Variants in IQANK1 observed in about 807,000 individuals in gnomAD.
IQANK1 encodes IQ motif and ankyrin repeat domain-containing protein 1.
Under a neutral mutation model 22.6 loss-of-function variants are expected in IQANK1, and 30 were observed. The ratio of observed to expected loss-of-function variants is 1.33; its 90% CI spans 0.99 to 1.80. The LOEUF (loss-of-function observed/expected upper bound fraction) is 1.80. Ranked by LOEUF, IQANK1 falls within the 40% of genes most tolerant of loss-of-function variation. The pLI is 0.00. For synonymous variants in IQANK1, 122 were observed against 99.6 expected (o/e 1.23, Z -1.34); for missense variants, 275 against 235.2 (o/e 1.17, Z -1.11).
Position 143,777,965 on chromosome 8 carries a change from C to T in IQANK1, c.789+5483C>T, listed in dbSNP as rs555155628. Among the ~76,000 whole-genome samples the T allele has an allele frequency of 3.9e-5, 6 of 152,088 alleles. No homozygotes were observed. The East Asian group carries it at 7.7e-4, about 20-fold the overall frequency. ...ATCCCAGCACTTTGGAAGGCCGAGG[C>T]GGGCGGATCACGAGGTCAGAAGATC... On this transcript the variant is annotated intron_variant, in intron 7 of 13. Transcript: ENST00000527139.
intron 11 of IQANK1, 47 bp downstream of exon 11, chr8:143,789,916 A>G: frequency 8.1e-7 from 1 of 1,231,666 alleles, no homozygotes; most frequent in African/African-American, 1.5e-5. Flanking sequence ...CATACAGCCC[A>G]GGGCGGGGTC....
At chr8:143,769,977 C>G (rs1373928665) in intron 3 of IQANK1, among the ~76,000 whole-genome samples, 1 of 152,162 alleles carries the variant, frequency 6.6e-6, no homozygotes, top group African/African-American at 2.4e-5. Flanking sequence ...CAGGCGTGTG[C>G]CTGTGGTCCC....
chr8:143,740,816 G>A (rs1818889635), intron 3 of IQANK1, among the ~76,000 whole-genome samples: 1 of 152,270 alleles, frequency 6.6e-6, no homozygotes, highest in African/African-American at 2.4e-5. Context: ...TAAGGAGCCT[G>A]ACCCTGTCCT....
rs1819333247 is a variant in IQANK1, at chr8:143,758,490, C to T, written c.176-12998C>T. On this transcript the variant is annotated intron_variant, in intron 3 of 13. Transcript: ENST00000527139. This position sits in a 1 kb window ranked among gnomAD's most constrained non-coding sequence, Gnocchi z 4.2. ...AAAAGAAAAAAAAAAGAAGATGAAACATTTTATCTGGGTGAAGGGATGATT... is the reference window on the plus strand; with the variant it reads ...AAAAGAAAAAAAAAAGAAGATGAAATATTTTATCTGGGTGAAGGGATGATT... 1 of 152,070 alleles carries T rather than the reference C, an allele frequency of 6.6e-6. No individual in the cohort carries two copies. Among genetic ancestry groups the T allele is most frequent in the Admixed American group, 6.6e-5 (1 of 15,246 alleles). 9.4% of individuals were successfully genotyped at this position (152,070 alleles called of 1,614,324 possible).
chr8:143,748,376 T>C (rs1479716222), intron 3 of IQANK1, among the ~76,000 whole-genome samples: 1 of 149,868 alleles, frequency 6.7e-6, no homozygotes, highest in Non-Finnish European at 1.5e-5. Context: ...CTCCAACTAT[T>C]ATTGTAAAAC....
rs1563770356 is a variant in IQANK1 at position 143,748,723 on chromosome 8, AT to A, written c.175+8776del. Among the ~76,000 whole-genome samples the A allele has an allele frequency of 1.4e-3, 163 of 114,488 alleles. 2 individuals are homozygous for A. The highest frequency in any genetic ancestry group is 5.0e-3 in the African/African-American group (129 of 25,578). The allele number at this position is 114,488 out of a possible 152,430, so 75.1% of individuals were successfully genotyped here. The stretch of plus-strand genomic sequence containing the variant: ...ATAAATATATAAATATATATCATAT[AT>A]ATCATATATAAATATATAAATATAT... On this transcript the variant is annotated intron_variant, in intron 3 of 13. Transcript: ENST00000527139.
intron 3 of IQANK1, among the ~76,000 whole-genome samples, chr8:143,740,331 G>A (rs1422410614): frequency 6.6e-6 from 1 of 152,178 alleles, no homozygotes; most frequent in Non-Finnish European, 1.5e-5. Context: ...AGGAAACGGG[G>A]CCCTGCGCGT....
At position 143,772,376 on chromosome 8, in the gene IQANK1, C is replaced by T. The variant is rs1005795463; in HGVS notation, c.683C>T (p.Pro228Leu). 23 of 399,334 alleles carry T rather than the reference C, an allele frequency of 5.8e-5. No individual in the cohort carries two copies. The highest frequency in any genetic ancestry group is 9.3e-5 in the Non-Finnish European group (21 of 226,454). The allele number at this position is 399,334 out of a possible 1,614,324, so 24.7% of individuals were successfully genotyped here. A position where few individuals can be genotyped will look rare whatever the true frequency, so the allele number is the denominator to read the frequency against. Residue 228 changes from proline (P) to leucine (L), a missense_variant, in exon 7 of 14, where the codon CCG (proline) becomes CTG (leucine). Coordinates refer to ENST00000527139, the MANE Select transcript of IQANK1 (RefSeq NM_001381874.1). ...PNSKGAFGPT[P>L]LYRAAFGGHL... The stretch of plus-strand genomic sequence containing the variant: ...TTGCAGGGCGCTTTCGGTCCGACGC[C>T]GCTGTACCGTGCAGCCTTTGGGGGC...
chr8:143,762,042 G>A (rs947464422), intron 3 of IQANK1, among the ~76,000 whole-genome samples: 17 of 151,966 alleles, frequency 1.1e-4, no homozygotes, highest in Non-Finnish European at 7.4e-5. Context: ...AATCATTTAT[G>A]GTATTTGTAT....
At chr8:143,748,879 T>TC (rs1554627632) in intron 3 of IQANK1, among the ~76,000 whole-genome samples, 9 of 91,870 alleles carry the variant, frequency 9.8e-5, no homozygotes, top group African/African-American at 8.8e-4. Context: ...TATATAAATA[T>TC]ATATATCATA....
At chr8:143,738,595 A>T (rs1818807714) in intron 2 of IQANK1, among the ~76,000 whole-genome samples, 1 of 152,172 alleles carries the variant, frequency 6.6e-6, no homozygotes. Flanking sequence ...CGAGACTGGG[A>T]GGGAGGCTGA....
chr8:143,740,194 G>A (rs1302430818), intron 3 of IQANK1, among the ~76,000 whole-genome samples: 1 of 151,980 alleles, frequency 6.6e-6, no homozygotes, highest in Non-Finnish European at 1.5e-5. Flanking sequence ...CCACCTCCCC[G>A]CCGCCCGGGT....
chr8:143,772,181 G>T lies in IQANK1; in HGVS notation c.601G>T (p.Ala201Ser). The change falls in exon 6 of 14, where the codon GCA becomes TCA. Residue 201 changes from alanine to serine, a missense_variant. Ala to Ser is a moderately conservative substitution (Grantham distance 99). Coordinates refer to ENST00000527139, the MANE Select transcript of IQANK1 (RefSeq NM_001381874.1). ...GAACACGCCGCTGTCGGAGGCGGCC[G>T]CAGGCGGGCAGCCCCTGGCCATCCA... ...YGNTPLSEAA[A>S]GGQPLAIQLR... 1 of 393,792 alleles carries T rather than the reference G, an allele frequency of 2.5e-6. No homozygotes were observed. The highest frequency in any genetic ancestry group is 4.5e-6 in the Non-Finnish European group (1 of 222,918). The allele number at this position is 393,792 out of a possible 1,614,324, so 24.4% of individuals were successfully genotyped here.
intron 3 of IQANK1, among the ~76,000 whole-genome samples, chr8:143,761,489 G>A (rs2129875916): frequency 6.6e-6 from 1 of 152,318 alleles, no homozygotes; most frequent in Non-Finnish European, 1.5e-5. Flanking sequence ...TGATAACTCG[G>A]CCTGGCGGGG....
At position 143,735,780 on chromosome 8, in the gene IQANK1, C is replaced by T; in HGVS notation, c.-4-70C>T. The T allele has an allele frequency of 1.4e-6, 1 of 695,524 alleles. No homozygotes were observed. The highest frequency in any genetic ancestry group is 2.6e-6 in the Non-Finnish European group (1 of 380,842). The allele number at this position is 695,524 out of a possible 1,614,324, so 43.1% of individuals were successfully genotyped here. ...GGCGCCCATGGTGTGCCCTGTTCCC[C>T]ACTGCCACTGCCCCTGCCCTCTGCC... On this transcript the variant is annotated intron_variant, in intron 1 of 13. Coordinates refer to ENST00000527139, the MANE Select transcript of IQANK1 (RefSeq NM_001381874.1). This position sits in a 1 kb window ranked among gnomAD's most constrained non-coding sequence, Gnocchi z 5.2.
chr8:143,760,046 G>A (rs1819366916), intron 3 of IQANK1, among the ~76,000 whole-genome samples: 2 of 152,182 alleles, frequency 1.3e-5, no homozygotes, highest in African/African-American at 4.8e-5. Flanking sequence ...ACTTTGACTG[G>A]TGGACCACCA....
Position 143,749,546 on chromosome 8 carries a change from T to A in IQANK1, c.175+9598T>A, listed in dbSNP as rs1461004857. Among the ~76,000 whole-genome samples the A allele has an allele frequency of 1.4e-4, 20 of 138,940 alleles. No homozygotes were observed. The Admixed American group carries it at 1.5e-3, about 11-fold the overall frequency. The allele number at this position is 138,940 out of a possible 152,430, so 91.2% of individuals were successfully genotyped here. ...ATATCACATAAAAATATATGATATA[T>A]ATGATATATATCATATATATCAATC... On this transcript the variant is annotated intron_variant, in intron 3 of 13. Coordinates refer to ENST00000527139, the MANE Select transcript of IQANK1 (RefSeq NM_001381874.1).
At position 143,774,177 on chromosome 8, in the gene IQANK1, C is replaced by CAAAA. The variant is rs61709186; in HGVS notation, c.789+1707_789+1710dup. 1.5e-5 allele frequency among the ~76,000 whole-genome samples: 2 copies of CAAAA among 136,484 alleles called. No individual in the cohort carries two copies. Among genetic ancestry groups the CAAAA allele is most frequent in the Non-Finnish European group, 1.6e-5 (1 of 63,118 alleles). 89.5% of individuals were successfully genotyped at this position (136,484 alleles called of 152,430 possible). ...TGGACATGACACAAAAAGCACAATC[C>CAAAA]AAAAAAAAAAAAAAACCACATTGAT... On this transcript the variant is annotated intron_variant, in intron 7 of 13. Transcript: ENST00000527139. This position sits in a 1 kb window ranked among gnomAD's most constrained non-coding sequence, Gnocchi z 4.2.
intron 3 of IQANK1, among the ~76,000 whole-genome samples, chr8:143,764,463 A>AAG (rs1819450687): frequency 6.6e-6 from 1 of 151,248 alleles, no homozygotes; most frequent in Non-Finnish European, 1.5e-5. Context: ...AAAAAAAAAA[A>AAG]AAAAATTAGT....
Sources: allele counts gnomAD v4.1 joint callset (sites outside exome capture counted in the v4.1 genomes callset), GRCh38; gene constraint gnomAD v4.1.1; non-coding constraint Gnocchi (gnomAD v3.1); transcripts MANE v1.5; gene names NCBI Gene and HGNC (gene_info 2026-07-23, HGNC 2026-07-21).